The following AAMDC variants were observed in gnomAD, a reference collection of about 807,000 sequenced individuals.
AAMDC encodes the protein mth938 domain-containing protein.
AAMDC carries 16 observed loss-of-function variants against 15.5 expected under a neutral mutation model. That is an observed-to-expected ratio of 1.03 (90% CI 0.70 to 1.57). AAMDC has a LOEUF of 1.57. Among genes scored for constraint, AAMDC ranks in the 40% most tolerant of loss-of-function variants. The pLI, the probability that AAMDC is intolerant of heterozygous loss-of-function variation, is 0.00. For synonymous variants in AAMDC, 51 were observed against 51.6 expected, an observed-to-expected ratio of 0.99 and a Z score of 0.05; for missense variants, 141 against 144.9, an observed-to-expected ratio of 0.97 and a Z score of 0.14.
chr11:77,826,224 T>C (rs1038399582), intron 1 of AAMDC, among the ~76,000 whole-genome samples: 23 of 151,884 alleles, frequency 1.5e-4, no homozygotes, highest in Admixed American at 6.6e-5. Flanking sequence ...TAGGTGGGCA[T>C]GGTGGTGCAT....
At chr11:77,879,889 A>G (rs1565218710) in intron 5 of AAMDC, among the ~76,000 whole-genome samples, 1 of 152,178 alleles carries the variant, frequency 6.6e-6, no homozygotes, top group Non-Finnish European at 1.5e-5. Context: ...TAACCCCAAG[A>G]GTTCTTATCC....
chr11:77,863,308 G>A (rs750278436), intron 2 of AAMDC, among the ~76,000 whole-genome samples: 12 of 152,192 alleles, frequency 7.9e-5, no homozygotes, highest in African/African-American at 1.7e-4. Context: ...TGCCGGATCC[G>A]GAGGGATGGA....
chr11:77,858,796 G>A (rs1950749624), intron 2 of AAMDC, among the ~76,000 whole-genome samples: 2 of 152,184 alleles, frequency 1.3e-5, no homozygotes, highest in African/African-American at 4.8e-5. Flanking sequence ...GCCAGTCCAG[G>A]GGTCCACGGT....
At chr11:77,885,694 C>T (rs761207881) in intron 5 of AAMDC, among the ~76,000 whole-genome samples, 4 of 151,726 alleles carry the variant, frequency 2.6e-5, no homozygotes, top group Admixed American at 6.6e-5. Context: ...TGGCGTGTGC[C>T]TGTAGTCCCA....
intron 2 of AAMDC, among the ~76,000 whole-genome samples, chr11:77,859,042 C>T (rs1950762520): frequency 6.6e-6 from 1 of 152,196 alleles, no homozygotes; most frequent in African/African-American, 2.4e-5. Flanking sequence ...TGGGTGTTAT[C>T]AATGCCTAAG....
At chr11:77,899,920 T>C (rs1319466097) in intron 5 of AAMDC, among the ~76,000 whole-genome samples, 1 of 152,078 alleles carries the variant, frequency 6.6e-6, no homozygotes, top group African/African-American at 2.4e-5. Context: ...TTCAAAGTGG[T>C]AGATTACCAG....
At chr11:77,861,258 G>A (rs1286163168) in intron 2 of AAMDC, among the ~76,000 whole-genome samples, 1 of 152,174 alleles carries the variant, frequency 6.6e-6, no homozygotes, top group South Asian at 2.1e-4. Context: ...AGGGAGTGGG[G>A]CTTTCAGGCA....
At chr11:77,862,199 G>A (rs1337818008) in intron 2 of AAMDC, among the ~76,000 whole-genome samples, 1 of 152,136 alleles carries the variant, frequency 6.6e-6, no homozygotes, top group East Asian at 1.9e-4. Context: ...TGGCCTGTGG[G>A]GAATCGTTCT....
intron 5 of AAMDC, among the ~76,000 whole-genome samples, chr11:77,886,822 A>C: frequency 6.6e-6 from 1 of 152,150 alleles, no homozygotes; most frequent in East Asian, 1.9e-4. Flanking sequence ...CTACATGGAA[A>C]CTGAACAACC....
intron 1 of AAMDC, among the ~76,000 whole-genome samples, chr11:77,831,310 A>G (rs1949414643): frequency 6.7e-6 from 1 of 149,078 alleles, no homozygotes; most frequent in African/African-American, 2.6e-5. Flanking sequence ...AATGATAAAC[A>G]TAAAGTTACT....
chr11:77,874,120 C>A (rs1163626818), downstream of AAMDC, among the ~76,000 whole-genome samples: 4 of 152,192 alleles, frequency 2.6e-5, no homozygotes, highest in African/African-American at 4.8e-5. Flanking sequence ...GATTAGAACC[C>A]AGCACTGTGT....
intron 2 of AAMDC, chr11:77,869,312 C>CTT (rs1209578429): frequency 0.12 from 14,866 of 126,708 alleles, 1,092 homozygotes; most frequent in Admixed American, 0.17. Context: ...ATCTCTTTTT[C>CTT]TTTTTTTTTT....
At chr11:77,838,374 C>G (rs1565199831) in intron 1 of AAMDC, among the ~76,000 whole-genome samples, 1 of 152,178 alleles carries the variant, frequency 6.6e-6, no homozygotes, top group Non-Finnish European at 1.5e-5. Flanking sequence ...CCTTGATACA[C>G]TGAGTTGGCC....
At chr11:77,845,286 A>AT (rs986006677) in intron 2 of AAMDC, among the ~76,000 whole-genome samples, 10 of 150,974 alleles carry the variant, frequency 6.6e-5, no homozygotes, top group Admixed American at 2.6e-4. Flanking sequence ...CTTTGTCTTC[A>AT]TTTTTTTTCT....
At chr11:77,832,330 CTTT>C (rs5792777) in intron 1 of AAMDC, among the ~76,000 whole-genome samples, 1 of 147,638 alleles carries the variant, frequency 6.8e-6, no homozygotes, top group African/African-American at 2.5e-5. Flanking sequence ...AATAGAGGAA[CTTT>C]TTTTTTTTTT....
At chr11:77,847,408 A>G (rs760025398) in intron 2 of AAMDC, among the ~76,000 whole-genome samples, 1 of 152,248 alleles carries the variant, frequency 6.6e-6, no homozygotes, top group Non-Finnish European at 1.5e-5. Context: ...TAGGCCCCAC[A>G]TAGAAAGAGA....
intron 1 of AAMDC, among the ~76,000 whole-genome samples, chr11:77,828,920 A>G (rs1297495869): frequency 6.6e-6 from 1 of 152,184 alleles, no homozygotes; most frequent in Non-Finnish European, 1.5e-5. Context: ...TATCCAAAAC[A>G]GTTTTTCAGA....
At chr11:77,880,948 A>C (rs567105274) in intron 5 of AAMDC, among the ~76,000 whole-genome samples, 121 of 151,886 alleles carry the variant, frequency 8.0e-4, no homozygotes, top group Middle Eastern at 3.4e-3. Context: ...AACAAACAAA[A>C]AAACAAAAAA....
intron 2 of AAMDC, among the ~76,000 whole-genome samples, chr11:77,843,436 T>C (rs747605522): frequency 7.9e-5 from 12 of 152,130 alleles, no homozygotes; most frequent in Non-Finnish European, 1.5e-4. Context: ...GTCCTGCTCC[T>C]CCTGGGAAGG....
Sources: allele counts gnomAD v4.1 joint callset (sites outside exome capture counted in the v4.1 genomes callset), GRCh38; gene constraint gnomAD v4.1.1; transcripts MANE v1.5; gene names NCBI Gene and HGNC (gene_info 2026-07-23, HGNC 2026-07-21).